Variants in WDR72 observed in about 807,000 individuals in gnomAD.
WDR72 encodes the protein WD repeat-containing protein 72.
WDR72 carries 120 observed loss-of-function variants against 124.2 expected under a neutral mutation model. The observed-to-expected ratio is 0.97, with a 90% CI of 0.83 to 1.12. WDR72 has a LOEUF of 1.12. Among genes scored for constraint, WDR72 ranks in the 50% most tolerant of loss-of-function variants. WDR72 has a pLI of 0.00. For synonymous variants in WDR72, 452 were observed against 441.7 expected (o/e 1.02, Z -0.29); for missense variants, 1,387 against 1,278.8 (o/e 1.08, Z -1.29).
intron 19 of WDR72, 130 bp from the exon 20 acceptor site, chr15:53,517,884 G>A (rs1171738827): frequency 2.1e-5 from 17 of 820,766 alleles, no homozygotes; most frequent in Admixed American, 4.4e-5. Context: ...AGAGAATGAG[G>A]AAAAAAAGAA....
At chr15:53,625,343 T>C (rs1368497394) in intron 14 of WDR72, among the ~76,000 whole-genome samples, 1 of 152,226 alleles carries the variant, frequency 6.6e-6, no homozygotes, top group East Asian at 1.9e-4. Context: ...AGGTATTGCA[T>C]CATAGACAAG....
chr15:53,546,797 G>C (rs564807556), intron 18 of WDR72, among the ~76,000 whole-genome samples: 18 of 152,204 alleles, frequency 1.2e-4, no homozygotes, highest in Admixed American at 1.1e-3. Context: ...AATCAAAAAT[G>C]AAAGGGGAAG....
At chr15:53,626,474 A>G (rs2014214181) in intron 14 of WDR72, among the ~76,000 whole-genome samples, 1 of 152,210 alleles carries the variant, frequency 6.6e-6, no homozygotes, top group Non-Finnish European at 1.5e-5. Context: ...GGCAAAGAAC[A>G]GTGGTGGACG....
intron 16 of WDR72, among the ~76,000 whole-genome samples, chr15:53,609,815 A>G (rs2013457276): frequency 6.7e-6 from 1 of 149,364 alleles, no homozygotes; most frequent in East Asian, 2.0e-4. Flanking sequence ...ATATACAGCC[A>G]GGGTTCACAT....
chr15:53,594,627 TAAA>T (rs60703765), intron 18 of WDR72, among the ~76,000 whole-genome samples: 5,824 of 142,008 alleles, frequency 0.041, 420 homozygotes, highest in African/African-American at 0.14. Flanking sequence ...AAATAAAAAT[TAAA>T]AAAAAAAAAA....
At chr15:53,665,812 C>A (rs768329544) in intron 13 of WDR72, 44 bp from the exon 14 acceptor site, 4 of 1,570,928 alleles carry the variant, frequency 2.5e-6, no homozygotes, top group Admixed American at 1.7e-5. Context: ...AAAATATTTA[C>A]CCCAACAGAA....
chr15:53,551,150 G>A (rs1482770572), intron 18 of WDR72, among the ~76,000 whole-genome samples: 1 of 152,060 alleles, frequency 6.6e-6, no homozygotes, highest in Non-Finnish European at 1.5e-5. Context: ...TGAAGGTTCT[G>A]AGGCAAGAAG....
chr15:53,759,891 C>T (rs954779448), upstream of WDR72, among the ~76,000 whole-genome samples: 2 of 151,874 alleles, frequency 1.3e-5, no homozygotes, highest in African/African-American at 4.8e-5. Flanking sequence ...GGAAAAGGCC[C>T]GCCAGCAGCC....
At chr15:53,714,814 G>T (rs1297376015) in intron 5 of WDR72, among the ~76,000 whole-genome samples, 1 of 152,124 alleles carries the variant, frequency 6.6e-6, no homozygotes, top group Non-Finnish European at 1.5e-5. Flanking sequence ...ACTTCCCTTT[G>T]CAGTCACTCA....
chr15:53,665,289 A>G (rs1185040311), intron 14 of WDR72, among the ~76,000 whole-genome samples: 2 of 152,146 alleles, frequency 1.3e-5, no homozygotes, highest in Admixed American at 1.3e-4. Context: ...CAGAATATAA[A>G]TGTTTTCCCT....
chr15:53,719,505 G>A (rs1415537202), intron 3 of WDR72, among the ~76,000 whole-genome samples: 1 of 152,146 alleles, frequency 6.6e-6, no homozygotes, highest in African/African-American at 2.4e-5. Flanking sequence ...CTCCACCTGT[G>A]TGACTTTCAG....
intron 2 of WDR72, among the ~76,000 whole-genome samples, chr15:53,728,715 A>G (rs943786059): frequency 6.6e-6 from 1 of 152,194 alleles, no homozygotes; most frequent in Non-Finnish European, 1.5e-5. Context: ...TTTTAAGAAA[A>G]CAAGCAATCA....
chr15:53,578,738 A>AAAAC (rs145536735), intron 18 of WDR72, among the ~76,000 whole-genome samples: 78 of 151,958 alleles, frequency 5.1e-4, no homozygotes, highest in Middle Eastern at 3.4e-3. Flanking sequence ...AATAAAACTT[A>AAAAC]AAACAAACAA....
chr15:53,675,255 A>T (rs907154636), intron 13 of WDR72, among the ~76,000 whole-genome samples: 7 of 151,718 alleles, frequency 4.6e-5, no homozygotes, highest in Admixed American at 4.6e-4. Context: ...AGGCAGAAGA[A>T]TCGCTTGAAC....
intron 18 of WDR72, among the ~76,000 whole-genome samples, chr15:53,552,191 C>T (rs376553564): frequency 6.6e-6 from 1 of 151,824 alleles, no homozygotes; most frequent in African/African-American, 2.4e-5. Flanking sequence ...CTCAAAGACA[C>T]AGAGTCAATA....
intron 18 of WDR72, among the ~76,000 whole-genome samples, chr15:53,550,215 T>G (rs185232657): frequency 6.6e-6 from 1 of 152,308 alleles, no homozygotes; most frequent in Admixed American, 6.5e-5. Context: ...GTTCAGATAG[T>G]AAATATTTTA....
At chr15:53,726,582 T>C (rs933690586) in intron 2 of WDR72, among the ~76,000 whole-genome samples, 3 of 152,234 alleles carry the variant, frequency 2.0e-5, no homozygotes, top group Middle Eastern at 3.4e-3. Flanking sequence ...TGGTTCATGT[T>C]TATAATCCCA....
chr15:53,605,875 T>C lies in WDR72; in HGVS notation c.2952+3638A>G, dbSNP rs545624503. On this transcript the variant is annotated intron_variant, in intron 17 of 19. Transcript: ENST00000360509. Reference sequence around the variant, plus strand: ...ATAATAATAATTTGAGGATCGGTTATTGAAGCAGTAGAATGGATACTTGCA... The same window carrying C: ...ATAATAATAATTTGAGGATCGGTTACTGAAGCAGTAGAATGGATACTTGCA... 5.9e-5 allele frequency among the ~76,000 whole-genome samples: 9 copies of C among 152,270 alleles called. No individual in the cohort carries two copies. In the East Asian group the frequency reaches 1.7e-3, roughly 29 times the overall value.
chr15:53,581,559 C>G (rs965850627), intron 18 of WDR72, among the ~76,000 whole-genome samples: 4 of 152,018 alleles, frequency 2.6e-5, no homozygotes, highest in African/African-American at 9.7e-5. Flanking sequence ...CTGTGCTTTA[C>G]ATAGGAGATG....
Sources: gnomAD v4.1 joint callset for allele counts (sites outside exome capture counted in the v4.1 genomes callset) on GRCh38, gnomAD v4.1.1 for gene constraint, MANE v1.5 for transcripts, NCBI Gene and HGNC (gene_info 2026-07-23, HGNC 2026-07-21) for gene names.